ADGRF5: variants seen among roughly 807,000 people sequenced by gnomAD.
ADGRF5 encodes the protein G-protein coupled receptor 116.
ADGRF5 carries 75 observed loss-of-function variants against 132.3 expected under a neutral mutation model. The ratio of observed to expected loss-of-function variants is 0.57; its 90% CI spans 0.47 to 0.69. The LOEUF (loss-of-function observed/expected upper bound fraction) is 0.69, where lower values mean the gene tolerates loss of function less well. ADGRF5 is among the 30% of genes least tolerant of loss of function. The probability of loss-of-function intolerance (pLI) is 0.00; values close to 1 mark genes in which losing one functional copy is unlikely to be tolerated. For synonymous variants in ADGRF5, 629 were observed against 597.6 expected, an observed-to-expected ratio of 1.05 and a Z score of -0.77; for missense variants, 1,516 against 1,630.6, an observed-to-expected ratio of 0.93 and a Z score of 1.21.
chr6:46,907,594 C>G (rs1775523152), intron 1 of ADGRF5, among the ~76,000 whole-genome samples: 3 of 152,142 alleles, frequency 2.0e-5, no homozygotes, highest in African/African-American at 7.2e-5. Flanking sequence ...GACATTTTTT[C>G]ACTTAAAAAG....
intron 20 of ADGRF5, chr6:46,854,662 A>G: frequency 9.9e-7 from 1 of 1,014,526 alleles, no homozygotes; most frequent in Non-Finnish European, 1.4e-6. Context: ...GTGCACAGGG[A>G]GTGGGCAGAG....
intron 12 of ADGRF5, among the ~76,000 whole-genome samples, chr6:46,868,281 A>C (rs940080629): frequency 6.6e-6 from 1 of 152,186 alleles, no homozygotes; most frequent in African/African-American, 2.4e-5. Flanking sequence ...CTCATCTGTA[A>C]AATGGGGCTA....
At chr6:46,937,842 G>C (rs1446824817) in intron 1 of ADGRF5, among the ~76,000 whole-genome samples, 1 of 152,162 alleles carries the variant, frequency 6.6e-6, no homozygotes, top group Non-Finnish European at 1.5e-5. Context: ...AAATAAACTG[G>C]ACAAAGCGAT....
intron 16 of ADGRF5, among the ~76,000 whole-genome samples, chr6:46,859,817 C>CTATTTTATTT (rs55664341): frequency 0.68 from 98,721 of 145,928 alleles, 36,267 homozygotes; most frequent in Non-Finnish European, 0.83. Flanking sequence ...GGGATATTTA[C>CTATTTTATTT]TATTTTATTT....
intron 1 of ADGRF5, among the ~76,000 whole-genome samples, chr6:46,916,992 A>C (rs1263365397): frequency 6.6e-6 from 1 of 152,124 alleles, no homozygotes; most frequent in African/African-American, 2.4e-5. Context: ...TCTGAGCTTT[A>C]CTCATTATTT....
At chr6:46,875,296 A>T (rs1396208972) in intron 10 of ADGRF5, among the ~76,000 whole-genome samples, 1 of 152,226 alleles carries the variant, frequency 6.6e-6, no homozygotes, top group Non-Finnish European at 1.5e-5. Context: ...GGAGCCCTGC[A>T]TGGGAGGTAC....
chr6:46,920,652 C>G (rs1776847061), intron 1 of ADGRF5, among the ~76,000 whole-genome samples: 4 of 151,954 alleles, frequency 2.6e-5, no homozygotes, highest in African/African-American at 9.7e-5. Flanking sequence ...CACCTGAGGT[C>G]AGGAGTTCGA....
rs750308283 is a variant in ADGRF5 at position 46,878,377 on chromosome 6, G to A, written c.1065C>T (p.Asp355=). ...AGEYVCKLIL[D]IFEYECKKKI... ...TCTTCTTGCACTCATATTCAAAAAT[G>A]TCTAATATCAGTTTGCAAACATATT... Residue 355 remains aspartate (D), a synonymous_variant, in exon 10 of 21, where the codon GAC becomes GAT. Transcript: ENST00000283296. 3.7e-6 allele frequency: 6 copies of A among 1,609,076 alleles called. No homozygotes were observed. The Admixed American group carries it at 8.3e-5, about 22-fold the overall frequency.
At chr6:46,865,010 T>C in intron 14 of ADGRF5, 32 bp downstream of exon 14, 1 of 1,487,970 alleles carries the variant, frequency 6.7e-7, no homozygotes, top group Non-Finnish European at 9.3e-7. Flanking sequence ...GCCCTGACTA[T>C]AACATCTTAA....
intron 1 of ADGRF5, among the ~76,000 whole-genome samples, chr6:46,947,217 A>G (rs1333687941): frequency 6.6e-6 from 1 of 152,180 alleles, no homozygotes; most frequent in East Asian, 1.9e-4. Context: ...CCAAAGGTGA[A>G]AAGCAACTAT....
At chr6:46,950,975 A>G (rs111658334) in intron 1 of ADGRF5, among the ~76,000 whole-genome samples, 2,037 of 152,340 alleles carry the variant, frequency 0.013, 42 homozygotes, top group African/African-American at 0.047. Flanking sequence ...GCCTCTTTCT[A>G]GCCCACAACA....
chr6:46,869,036 T>C lies in ADGRF5; in HGVS notation c.1468A>G (p.Ile490Val). ...ISVSEGQNFS[I>V]KCISDVSNYD... ...TTACTCACATCACTGATGCATTTTATAGAAAAGTTTTGTCCCTCAGAAACA... is the reference window on the plus strand; with the variant it reads ...TTACTCACATCACTGATGCATTTTACAGAAAAGTTTTGTCCCTCAGAAACA... Residue 490 changes from isoleucine (I) to valine (V), a missense_variant, in exon 12 of 21, where the codon ATA becomes GTA. Around this residue, in one of 2 missense-constraint regions of ADGRF5, gnomAD observed 945 missense variants for 929.4 expected, o/e 1.02. Coordinates refer to ENST00000283296, the MANE Select transcript of ADGRF5 (RefSeq NM_001098518.2). The C allele has an allele frequency of 1.9e-6, 3 of 1,614,028 alleles. No individual in the cohort carries two copies. The highest frequency in any genetic ancestry group is 3.3e-5 in the Admixed American group (2 of 60,024).
rs543901282 is a variant in ADGRF5, at chr6:46,866,014, T to C, written c.1835-817A>G. ...TTGTCTGTGTTTTGAGATTTTTGGG[T>C]TGTGAGATCATGCTGGTTGACCTTA... On this transcript the variant is annotated intron_variant, in intron 13 of 20. Transcript: ENST00000283296. 3.3e-5 allele frequency among the ~76,000 whole-genome samples: 5 copies of C among 152,282 alleles called. No individual in the cohort carries two copies. In the East Asian group the frequency reaches 5.8e-4, roughly 18 times the overall value.
chr6:46,907,114 AATATACTTTGG>A (rs1454941706), intron 1 of ADGRF5, among the ~76,000 whole-genome samples: 121 of 152,316 alleles, frequency 7.9e-4, no homozygotes, highest in African/African-American at 2.7e-3. Flanking sequence ...CGCTACATGC[AATATACTTTGG>A]TATTTTCAAT....
intron 3 of ADGRF5, among the ~76,000 whole-genome samples, chr6:46,895,041 G>T (rs192829454): frequency 6.6e-6 from 1 of 152,176 alleles, no homozygotes; most frequent in Admixed American, 6.5e-5. Flanking sequence ...GCTGGGTGTG[G>T]TGGCATGCAC....
chr6:46,912,958 C>T (rs995653155), intron 1 of ADGRF5, among the ~76,000 whole-genome samples: 1 of 152,212 alleles, frequency 6.6e-6, no homozygotes, highest in South Asian at 2.1e-4. Context: ...CCCAGCAAGA[C>T]TGTGTCTTGT....
chr6:46,869,859 T>C (rs769166137), intron 11 of ADGRF5, among the ~76,000 whole-genome samples: 1 of 152,190 alleles, frequency 6.6e-6, no homozygotes, highest in Non-Finnish European at 1.5e-5. Flanking sequence ...ATATAAGTAT[T>C]TATATGTAAT....
intron 13 of ADGRF5, 67 bp downstream of exon 13, chr6:46,866,858 G>C: frequency 2.2e-6 from 2 of 924,716 alleles, no homozygotes; most frequent in South Asian, 2.9e-5. Context: ...CCTATTTTAA[G>C]ACTAAATTTT....
intron 15 of ADGRF5, among the ~76,000 whole-genome samples, chr6:46,861,995 A>G (rs1468607439): frequency 6.6e-6 from 1 of 151,296 alleles, no homozygotes; most frequent in African/African-American, 2.4e-5. Context: ...TAACTACCCA[A>G]TTCGATTATT....
Sources: allele counts gnomAD v4.1 joint callset (sites outside exome capture counted in the v4.1 genomes callset), GRCh38; gene constraint gnomAD v4.1.1; regional missense constraint gnomAD v4.1.1; transcripts MANE v1.5; gene names NCBI Gene and HGNC (gene_info 2026-07-23, HGNC 2026-07-21).